Variants in ATP8B3 observed in about 807,000 individuals in gnomAD.
ATP8B3 encodes the protein ATPase phospholipid transporting 8B3, also known as phospholipid-transporting ATPase IK.
In ATP8B3, 141 loss-of-function variants were observed where a neutral mutation model predicts 140.9. The ratio of observed to expected loss-of-function variants is 1.00; its 90% CI spans 0.87 to 1.15. ATP8B3 has a LOEUF of 1.15. ATP8B3 is among the 50% of genes most tolerant of loss of function. The pLI is 0.00. For synonymous variants in ATP8B3, 765 were observed against 714.6 expected, an observed-to-expected ratio of 1.07 and a Z score of -1.13; for missense variants, 1,874 against 1,740.6, an observed-to-expected ratio of 1.08 and a Z score of -1.36.
chr19:1,784,439 C>T (rs79959731), intron 28 of ATP8B3, among the ~76,000 whole-genome samples: 3,502 of 152,172 alleles, frequency 0.023, 147 homozygotes, highest in African/African-American at 0.08. Context: ...CCTTTGAGCC[C>T]GGAAGGTCGA....
chr19:1,795,102 A>G (rs576007306), intron 18 of ATP8B3, among the ~76,000 whole-genome samples: 2 of 151,884 alleles, frequency 1.3e-5, no homozygotes, highest in South Asian at 4.2e-4. Flanking sequence ...CTAAAAATAC[A>G]AAATTGGCCG....
At chr19:1,799,542 G>C in intron 14 of ATP8B3, 2 of 390,308 alleles carry the variant, frequency 5.1e-6, no homozygotes, top group Non-Finnish European at 4.5e-6. Context: ...GAGGCAGGTG[G>C]ATCGCCGGAG....
intron 23 of ATP8B3, 34 bp from the exon 24 acceptor site, chr19:1,789,154 ACGCCCCCAGTCCCGCC>A (rs2068402615): frequency 8.1e-7 from 1 of 1,237,506 alleles, no homozygotes; most frequent in Non-Finnish European, 1.1e-6. Context: ...AGCCCCCCGC[ACGCCCCCAGTCCCGCC>A]CGCCCCCCCA....
At chr19:1,804,257 G>C (rs1167432954) in intron 10 of ATP8B3, among the ~76,000 whole-genome samples, 1 of 152,178 alleles carries the variant, frequency 6.6e-6, no homozygotes, top group African/African-American at 2.4e-5. Context: ...ACTTTGTGAG[G>C]CCAAGGTGGG....
At position 1,811,803 on chromosome 19, in the gene ATP8B3, G is replaced by A. The variant is rs539296213; in HGVS notation, c.-67C>T. On this transcript the variant is annotated 5_prime_UTR_variant, in exon 2 of 29. Transcript: ENST00000310127. ...TTAGGCTGTGGGACGGGGGAGAGGT[G>A]GGGGAGACCCCCGTGGGGGCAGACT... 1.1e-5 allele frequency: 16 copies of A among 1,484,556 alleles called. No homozygotes were observed. The highest frequency in any genetic ancestry group is 1.3e-5 in the Non-Finnish European group (14 of 1,118,506). The allele number at this position is 1,484,556 out of a possible 1,614,324, so 92.0% of individuals were successfully genotyped here.
Position 1,800,096 on chromosome 19 carries a change from T to C in ATP8B3, c.1403A>G (p.Tyr468Cys), listed in dbSNP as rs771681089. 1.1e-5 allele frequency: 17 copies of C among 1,572,120 alleles called. No homozygotes were observed. The highest frequency in any genetic ancestry group is 3.8e-5 in the Admixed American group (2 of 53,234). The stretch of plus-strand genomic sequence containing the variant: ...CTTGGCAGGCACGTCCTGCGGCTTG[T>C]AGTACATCTGCACGTCCCAGTCGAT... ...VFIDWDVQMYYKPQDVPAKAR... is the reference protein window; with the variant it reads ...VFIDWDVQMYCKPQDVPAKAR... The change falls in exon 14 of 29, where the codon TAC becomes TGC. Residue 468 changes from tyrosine to cysteine, a missense_variant. Coordinates refer to ENST00000310127, the MANE Select transcript of ATP8B3 (RefSeq NM_138813.4). This position sits in a 1 kb window ranked among gnomAD's most constrained non-coding sequence, Gnocchi z 4.4.
Position 1,809,675 on chromosome 19 carries a change from C to T in ATP8B3, c.370G>A (p.Val124Met), listed in dbSNP as rs368136180. Reference sequence around the variant, plus strand: ...TTCTTCCTTTGCCAGCACAGGATCACCTTCTCCTTGAACTGCCCGTTGTAG... The same window carrying T: ...TTCTTCCTTTGCCAGCACAGGATCATCTTCTCCTTGAACTGCCCGTTGTAG... ...RAYNGQFKEK[V>M]ILCWQRKKYK... The change falls in exon 4 of 29, where the codon GTG becomes ATG. Residue 124 changes from valine to methionine, a missense_variant. By Grantham distance (21) the Val-to-Met change is conservative. Transcript: ENST00000310127. 3 of 1,611,218 alleles carry T rather than the reference C, an allele frequency of 1.9e-6. No homozygotes were observed. The highest frequency in any genetic ancestry group is 2.2e-5 in the East Asian group (1 of 44,820).
At chr19:1,803,676 C>T (rs923847939) in intron 10 of ATP8B3, among the ~76,000 whole-genome samples, 4 of 152,086 alleles carry the variant, frequency 2.6e-5, no homozygotes, top group Non-Finnish European at 5.9e-5. Flanking sequence ...GCGGGTGGAT[C>T]ACCTGAGGTC....
At position 1,805,921 on chromosome 19, in the gene ATP8B3, C is replaced by A; in HGVS notation, c.788G>T (p.Ser263Ile). 1.2e-6 allele frequency: 2 copies of A among 1,612,936 alleles called. No individual in the cohort carries two copies. The highest frequency in any genetic ancestry group is 1.7e-6 in the Non-Finnish European group (2 of 1,179,868). The change falls in exon 9 of 29, where the codon AGC (serine) becomes ATC (isoleucine). Residue 263 changes from serine (S) to isoleucine (I), a missense_variant. Coordinates refer to ENST00000310127, the MANE Select transcript of ATP8B3 (RefSeq NM_138813.4). This position sits in a 1 kb window ranked among gnomAD's most constrained non-coding sequence, Gnocchi z 5.2. Reference protein sequence around the residue: ...MLLLASTEPSSLCYVETVDID... With the variant: ...MLLLASTEPSILCYVETVDID... Reference sequence around the variant, plus strand: ...GTCCACCGTCTCCACATAGCACAGGCTGCTGGGCTCCGTGCTGGCCAGCAA... The same window carrying A: ...GTCCACCGTCTCCACATAGCACAGGATGCTGGGCTCCGTGCTGGCCAGCAA...
intron 11 of ATP8B3, 25 bp from the exon 12 acceptor site, chr19:1,802,069 A>ATCC: frequency 1.8e-6 from 2 of 1,112,372 alleles, no homozygotes; most frequent in Admixed American, 2.6e-5. Context: ...CCATCTATCC[A>ATCC]CCCACCCACC....
intron 18 of ATP8B3, among the ~76,000 whole-genome samples, chr19:1,792,462 C>G (rs148382557): frequency 6.6e-6 from 1 of 151,772 alleles, no homozygotes; most frequent in Admixed American, 6.6e-5. Context: ...TGCCTGTAGT[C>G]CCAGCTACTT....
At chr19:1,809,822 G>GT in intron 3 of ATP8B3, 88 bp from the exon 4 acceptor site, 1 of 1,240,186 alleles carries the variant, frequency 8.1e-7, no homozygotes, top group South Asian at 1.3e-5. Flanking sequence ...CATGGGGCCC[G>GT]TGGGACCCAG....
chr19:1,811,884 T>A lies in ATP8B3; in HGVS notation c.-148A>T, dbSNP rs1204681180. ...ATGGCCAGAATCCACTCGAAGTGTA[T>A]CTGGGGGCAGAAAGAGACACGGACA... On this transcript the variant is annotated splice_region_variant and 5_prime_UTR_variant, in exon 2 of 29. Transcript: ENST00000310127. 1 of 890,620 alleles carries A rather than the reference T, an allele frequency of 1.1e-6. No homozygotes were observed. The highest frequency in any genetic ancestry group is 1.7e-5 in the African/African-American group (1 of 59,126). 55.2% of individuals were successfully genotyped at this position (890,620 alleles called of 1,614,324 possible).
intron 15 of ATP8B3, 23 bp downstream of exon 15, chr19:1,796,951 C>T (rs1431767850): frequency 5.0e-6 from 8 of 1,612,840 alleles, no homozygotes; most frequent in South Asian, 2.2e-5. Context: ...CACCGTCCCG[C>T]GCTGCAAGCC....
chr19:1,808,087 C>T, intron 5 of ATP8B3, 135 bp downstream of exon 5: 1 of 675,734 alleles, frequency 1.5e-6, no homozygotes, highest in Non-Finnish European at 2.6e-6. Context: ...AGGCCCTGGG[C>T]AGGGTAGTAG....
At chr19:1,790,639 T>G in intron 21 of ATP8B3, 118 bp downstream of exon 21, 1 of 173,902 alleles carries the variant, frequency 5.8e-6, no homozygotes, top group Non-Finnish European at 9.8e-6. Context: ...CCCTCCCCTC[T>G]CAATCCCCCC....
Position 1,802,518 on chromosome 19 carries a change from T to C in ATP8B3, c.1032A>G (p.Thr344=), listed in dbSNP as rs1220273389. The C allele has an allele frequency of 2.5e-6, 4 of 1,590,884 alleles. No individual in the cohort carries two copies. Among genetic ancestry groups the C allele is most frequent in the Non-Finnish European group, 3.4e-6 (4 of 1,170,542 alleles). The change falls in exon 11 of 29, where the codon ACA becomes ACG. Residue 344 remains threonine, a synonymous_variant. Coordinates refer to ENST00000310127, the MANE Select transcript of ATP8B3 (RefSeq NM_138813.4). ...AAATGACCAGTCCATAGCAGGTGTC[T>C]GTGTTGCGAATCCTGCAGCCTCGGA... ...LLLRGCRIRN[T]DTCYGLVIYA... is the part of the protein sequence containing the mutation.
intron 2 of ATP8B3, 116 bp downstream of exon 2, chr19:1,811,373 G>A (rs1363129721): frequency 7.0e-5 from 99 of 1,417,452 alleles, no homozygotes; most frequent in Admixed American, 1.8e-4. Context: ...CTATGAGGAT[G>A]GGCAAACCAC....
chr19:1,797,107 C>A lies in ATP8B3; in HGVS notation c.1553-102G>T. 5 of 1,548,580 alleles carry A rather than the reference C, an allele frequency of 3.2e-6. No individual in the cohort carries two copies. In the South Asian group the frequency reaches 5.8e-5, roughly 18 times the overall value. On this transcript the variant is annotated intron_variant, in intron 14 of 28. Transcript: ENST00000310127. ...TTCAGGCTTCCGGGGGCCACTGGTGCAGCCACACAAGCCAGGCCTGTGGCC... is the reference window on the plus strand; with the variant it reads ...TTCAGGCTTCCGGGGGCCACTGGTGAAGCCACACAAGCCAGGCCTGTGGCC...
Sources: allele counts gnomAD v4.1 joint callset (sites outside exome capture counted in the v4.1 genomes callset), GRCh38; gene constraint gnomAD v4.1.1; non-coding constraint Gnocchi (gnomAD v3.1); transcripts MANE v1.5; gene names NCBI Gene and HGNC (gene_info 2026-07-23, HGNC 2026-07-21).